MACROD2: variants seen among roughly 807,000 people sequenced by gnomAD.
MACROD2 encodes ADP-ribose glycohydrolase MACROD2.
In MACROD2, 36 loss-of-function variants were observed where a neutral mutation model predicts 70.4. The observed-to-expected ratio is 0.51, with a 90% CI of 0.39 to 0.68. The LOEUF (loss-of-function observed/expected upper bound fraction) is 0.68, where lower values mean the gene tolerates loss of function less well. Among genes scored for constraint, MACROD2 ranks in the 30% least tolerant of loss-of-function variants. The pLI is 0.00. For missense variants in MACROD2, 496 were observed against 538.4 expected (o/e 0.92, Z 0.78); for synonymous variants, 172 against 178.8 (o/e 0.96, Z 0.30).
At chr20:15,005,115 A>G (rs1393357439) in intron 5 of MACROD2, among the ~76,000 whole-genome samples, 1 of 152,236 alleles carries the variant, frequency 6.6e-6, no homozygotes, top group African/African-American at 2.4e-5. Context: ...TAACCTATTG[A>G]CTATTTTGCT....
At chr20:15,534,518 T>C (rs145553867) in intron 8 of MACROD2, among the ~76,000 whole-genome samples, 296 of 152,324 alleles carry the variant, frequency 1.9e-3, no homozygotes, top group Admixed American at 3.9e-3. Flanking sequence ...TACAGGCTCT[T>C]TCTTGACTGA....
chr20:14,066,677 A>G (rs746417511), intron 2 of MACROD2, among the ~76,000 whole-genome samples: 6 of 152,166 alleles, frequency 3.9e-5, no homozygotes, highest in Admixed American at 6.5e-5. Context: ...TCTAGTCTAT[A>G]CTATTTTGTG....
chr20:15,324,915 T>C (rs186936343), intron 6 of MACROD2, among the ~76,000 whole-genome samples: 32 of 152,300 alleles, frequency 2.1e-4, no homozygotes, highest in African/African-American at 7.2e-4. Flanking sequence ...TTGACCTTTC[T>C]TGCAAAGAGT....
chr20:14,050,436 A>T (rs1052857241), intron 2 of MACROD2, among the ~76,000 whole-genome samples: 2 of 152,170 alleles, frequency 1.3e-5, no homozygotes, highest in Non-Finnish European at 2.9e-5. Context: ...ATGCTGCTTG[A>T]TATGTTTTGC....
intron 5 of MACROD2, among the ~76,000 whole-genome samples, chr20:14,923,352 A>G (rs927333031): frequency 6.6e-6 from 1 of 152,138 alleles, no homozygotes. Flanking sequence ...TGAATTTCCA[A>G]CTTGTACATT....
intron 7 of MACROD2, among the ~76,000 whole-genome samples, chr20:15,481,146 A>G (rs985994445): frequency 2.6e-4 from 39 of 152,340 alleles, no homozygotes; most frequent in Non-Finnish European, 4.9e-4. Flanking sequence ...CATAGTTCTC[A>G]TTTCGCTAGC....
intron 3 of MACROD2, among the ~76,000 whole-genome samples, chr20:14,262,559 G>T (rs2082109485): frequency 6.6e-6 from 1 of 152,188 alleles, no homozygotes; most frequent in Admixed American, 6.5e-5. Context: ...TGTGATAGTG[G>T]AAACCATGAA....
intron 4 of MACROD2, among the ~76,000 whole-genome samples, chr20:14,527,873 A>ACC (rs1349049595): frequency 5.3e-5 from 8 of 152,264 alleles, no homozygotes; most frequent in African/African-American, 1.4e-4. Context: ...TGTCCACTTA[A>ACC]AGGTCAATTA....
chr20:14,440,895 C>T (rs2084114576), intron 3 of MACROD2, among the ~76,000 whole-genome samples: 1 of 152,014 alleles, frequency 6.6e-6, no homozygotes, highest in African/African-American at 2.4e-5. Flanking sequence ...AAGAGGGTGC[C>T]ACTTTCTTTG....
intron 3 of MACROD2, among the ~76,000 whole-genome samples, chr20:14,470,861 C>T (rs966017214): frequency 6.6e-6 from 1 of 152,182 alleles, no homozygotes; most frequent in Non-Finnish European, 1.5e-5. Flanking sequence ...TTGCTGGGCT[C>T]TGTGGGGGTG....
At chr20:14,192,851 G>A (rs2081399680) in intron 3 of MACROD2, among the ~76,000 whole-genome samples, 1 of 152,122 alleles carries the variant, frequency 6.6e-6, no homozygotes, top group Non-Finnish European at 1.5e-5. Context: ...TTCTGCAAGT[G>A]GCAGATTACC....
intron 5 of MACROD2, among the ~76,000 whole-genome samples, chr20:15,016,421 C>T (rs1371882942): frequency 6.6e-6 from 1 of 152,076 alleles, no homozygotes; most frequent in South Asian, 2.1e-4. Context: ...ATGTTTGTCC[C>T]CTCCAAATCT....
intron 4 of MACROD2, among the ~76,000 whole-genome samples, chr20:14,550,728 C>T (rs1279473346): frequency 6.6e-6 from 1 of 152,186 alleles, no homozygotes; most frequent in Non-Finnish European, 1.5e-5. Context: ...TAGTTTACAT[C>T]TATTGTTGCA....
intron 3 of MACROD2, among the ~76,000 whole-genome samples, chr20:14,437,436 T>A (rs907228229): frequency 2.0e-5 from 3 of 151,890 alleles, no homozygotes; most frequent in Non-Finnish European, 4.4e-5. Context: ...CTACTAAAAA[T>A]ACAAAAAATT....
intron 8 of MACROD2, among the ~76,000 whole-genome samples, chr20:15,526,060 A>T (rs1436953595): frequency 6.6e-6 from 1 of 152,250 alleles, no homozygotes; most frequent in Non-Finnish European, 1.5e-5. Flanking sequence ...AAGAGAAAAT[A>T]GATTTTTCTT....
intron 5 of MACROD2, among the ~76,000 whole-genome samples, chr20:15,117,557 T>C (rs2076000169): frequency 6.6e-6 from 1 of 152,208 alleles, no homozygotes; most frequent in Admixed American, 6.5e-5. Flanking sequence ...ACATTGTTTC[T>C]TCGTGGAAAA....
At chr20:14,405,495 T>C (rs1455412892) in intron 3 of MACROD2, among the ~76,000 whole-genome samples, 4 of 152,208 alleles carry the variant, frequency 2.6e-5, no homozygotes, top group Admixed American at 1.3e-4. Flanking sequence ...CAGTAGGCTA[T>C]TGGAGGACTT....
At chr20:15,197,079 A>G in intron 5 of MACROD2, 9 of 962,192 alleles carry the variant, frequency 9.4e-6, no homozygotes, top group Non-Finnish European at 9.9e-6. Context: ...GGTCCTCTTC[A>G]TGTCTGGTTT....
At chr20:14,610,966 GT>G (rs2123427665) in intron 4 of MACROD2, among the ~76,000 whole-genome samples, 1 of 152,176 alleles carries the variant, frequency 6.6e-6, no homozygotes, top group Non-Finnish European at 1.5e-5. Flanking sequence ...ATTAACAAAC[GT>G]TTTTGGTAAG....
Sources: gnomAD v4.1 joint callset for allele counts (sites outside exome capture counted in the v4.1 genomes callset) on GRCh38, gnomAD v4.1.1 for gene constraint, MANE v1.5 for transcripts, NCBI Gene and HGNC (gene_info 2026-07-23, HGNC 2026-07-21) for gene names.